MSTO1: variants seen among roughly 807,000 people sequenced by gnomAD.
MSTO1 encodes misato mitochondrial distribution and morphology regulator 1.
A neutral mutation model predicts 55.7 loss-of-function variants in MSTO1; 24 were observed. That is an observed-to-expected ratio of 0.43 (90% CI 0.31 to 0.61). MSTO1 has a LOEUF of 0.61. Ranked by LOEUF, MSTO1 falls within the 20% of genes least tolerant of loss-of-function variation. The pLI is 0.09. For missense variants in MSTO1, 363 were observed against 625.7 expected, an observed-to-expected ratio of 0.58 and a Z score of 4.48; for synonymous variants, 162 against 252.8, an observed-to-expected ratio of 0.64 and a Z score of 3.41.
At chr1:155,580,713 G>C in the MSTO1 span, among the ~76,000 whole-genome samples, 16 of 152,136 alleles carry the variant, frequency 1.1e-4, no homozygotes, top group Middle Eastern at 6.8e-3. Context: ...GAGCTGAGGA[G>C]TTCAAAACCA....
rs1675224714 is a variant in MSTO1, at chr1:155,614,648, G to C, written c.*375G>C. 4 of 1,308,880 alleles carry C rather than the reference G, an allele frequency of 3.1e-6. No homozygotes were observed. In the East Asian group the frequency reaches 9.2e-5, roughly 30 times the overall value. 81.1% of individuals were successfully genotyped at this position (1,308,880 alleles called of 1,614,324 possible). On this transcript the variant is annotated 3_prime_UTR_variant, in exon 14 of 14. Coordinates refer to ENST00000245564, the MANE Select transcript of MSTO1 (RefSeq NM_018116.4). ...ACTGGGCTCAAGGACTGTACAAGCA[G>C]AGTACAACTACCCGCCTCCCCGGTG...
the MSTO1 span, among the ~76,000 whole-genome samples, chr1:155,601,148 T>G: frequency 3.3e-5 from 5 of 151,446 alleles, no homozygotes; most frequent in Non-Finnish European, 5.9e-5. Flanking sequence ...TTTTTTTTTC[T>G]TTTGAAATGG....
chr1:155,569,106 G>A, the MSTO1 span, among the ~76,000 whole-genome samples: 14 of 151,586 alleles, frequency 9.2e-5, no homozygotes, highest in Middle Eastern at 3.2e-3. Context: ...CACCTGCCTC[G>A]GCCTCCCAAG....
the MSTO1 span, among the ~76,000 whole-genome samples, chr1:155,572,695 G>T: frequency 6.6e-6 from 1 of 151,992 alleles, no homozygotes; most frequent in Non-Finnish European, 1.5e-5. Flanking sequence ...TTGTTGCCCA[G>T]GCTGGAGTGC....
chr1:155,599,976 C>G, the MSTO1 span, among the ~76,000 whole-genome samples: 4 of 152,212 alleles, frequency 2.6e-5, no homozygotes, highest in African/African-American at 7.2e-5. Context: ...GGTTTTATAC[C>G]GAGACATTCC....
chr1:155,577,555 G>A, the MSTO1 span, among the ~76,000 whole-genome samples: 4 of 152,172 alleles, frequency 2.6e-5, no homozygotes, highest in Non-Finnish European at 1.5e-5. Context: ...TCATTGAAGT[G>A]TCTTGGCATC....
rs201853676 is a variant in MSTO1, at chr1:155,613,727, C to G, written c.1459C>G (p.Pro487Ala). 7 of 1,609,422 alleles carry G rather than the reference C, an allele frequency of 4.3e-6. No homozygotes were observed. Among genetic ancestry groups the G allele is most frequent in the Non-Finnish European group, 5.9e-6 (7 of 1,177,074 alleles). Reference protein sequence around the residue: ...PYPHLFSSCSPPGMVLDGSPK... With the variant: ...PYPHLFSSCSAPGMVLDGSPK... The stretch of plus-strand genomic sequence containing the variant: ...CCCCCACCTCTTCTCAAGCTGCAGT[C>G]CACCGGGTATGGTTCTGGATGGTTC... Residue 487 changes from proline to alanine, a missense_variant, in exon 13 of 14, where the codon CCA becomes GCA. Transcript: ENST00000245564.
the MSTO1 span, chr1:155,599,005 C>A: frequency 4.1e-6 from 3 of 725,342 alleles, no homozygotes; most frequent in African/African-American, 3.6e-5. Flanking sequence ...TAACGGGGAT[C>A]TGATAGCTAA....
chr1:155,568,842 T>G, the MSTO1 span, among the ~76,000 whole-genome samples: 1 of 150,962 alleles, frequency 6.6e-6, no homozygotes, highest in African/African-American at 2.4e-5. Context: ...TCTTTTTCTT[T>G]TTCTTTTTCT....
At chr1:155,590,696 AC>A in the MSTO1 span, 6 of 1,518,596 alleles carry the variant, frequency 4.0e-6, no homozygotes, top group Non-Finnish European at 5.3e-6. Flanking sequence ...GGGCCCCGTG[AC>A]CCCCCGGAGG....
the MSTO1 span, among the ~76,000 whole-genome samples, chr1:155,597,630 C>T: frequency 6.6e-6 from 1 of 151,118 alleles, no homozygotes; most frequent in African/African-American, 2.4e-5. Flanking sequence ...CCGTCTCAGC[C>T]GCCTGAGTAG....
the MSTO1 span, among the ~76,000 whole-genome samples, chr1:155,580,879 A>G: frequency 7.1e-6 from 1 of 141,172 alleles, no homozygotes; most frequent in Admixed American, 7.7e-5. Flanking sequence ...ACTGCACTCC[A>G]CTTGGGTAAC....
Position 155,614,931 on chromosome 1 carries a change from A to G in MSTO1, c.*658A>G. 1 of 1,230,366 alleles carries G rather than the reference A, an allele frequency of 8.1e-7. No homozygotes were observed. The highest frequency in any genetic ancestry group is 1.5e-5 in the African/African-American group (1 of 66,968). 76.2% of individuals were successfully genotyped at this position (1,230,366 alleles called of 1,614,324 possible). A position where few individuals can be genotyped will look rare whatever the true frequency, so the allele number is the denominator to read the frequency against. On this transcript the variant is annotated 3_prime_UTR_variant, in exon 14 of 14. Transcript: ENST00000245564. Reference sequence around the variant, plus strand: ...AGTAACATGTTAACATTTATGAAGCACTATATATTGATTTGCAAAATCTTT... The same window carrying G: ...AGTAACATGTTAACATTTATGAAGCGCTATATATTGATTTGCAAAATCTTT...
At chr1:155,568,912 T>C in the MSTO1 span, among the ~76,000 whole-genome samples, 3 of 150,892 alleles carry the variant, frequency 2.0e-5, no homozygotes, top group African/African-American at 7.3e-5. Context: ...AATGCAGTGG[T>C]GCAGTCTTGG....
chr1:155,581,403 T>TTTA, the MSTO1 span, among the ~76,000 whole-genome samples: 99 of 152,100 alleles, frequency 6.5e-4, no homozygotes, highest in African/African-American at 2.3e-3. Context: ...TACTTTATAT[T>TTTA]TTATTATTAT....
the MSTO1 span, among the ~76,000 whole-genome samples, chr1:155,567,547 G>A: frequency 5.3e-5 from 8 of 151,926 alleles, no homozygotes; most frequent in South Asian, 6.2e-4. Context: ...TGATCCGCCC[G>A]CCTCGGCCTC....
chr1:155,569,107 G>T, the MSTO1 span, among the ~76,000 whole-genome samples: 1 of 151,824 alleles, frequency 6.6e-6, no homozygotes, highest in Non-Finnish European at 1.5e-5. Context: ...ACCTGCCTCG[G>T]CCTCCCAAGG....
the MSTO1 span, chr1:155,590,771 A>T: frequency 6.2e-7 from 1 of 1,606,150 alleles, no homozygotes; most frequent in African/African-American, 1.3e-5. Flanking sequence ...CAGCCCAAGT[A>T]GAGGGAGGCC....
At chr1:155,575,304 G>C in the MSTO1 span, among the ~76,000 whole-genome samples, 1 of 151,910 alleles carries the variant, frequency 6.6e-6, no homozygotes, top group Non-Finnish European at 1.5e-5. Flanking sequence ...AGCCATCCTA[G>C]TGGGTGTGAA....
Sources: gnomAD v4.1 joint callset for allele counts (sites outside exome capture counted in the v4.1 genomes callset) on GRCh38, gnomAD v4.1.1 for gene constraint, MANE v1.5 for transcripts, NCBI Gene and HGNC (gene_info 2026-07-23, HGNC 2026-07-21) for gene names.